Variants in CA10 observed in about 807,000 individuals in gnomAD.
CA10 encodes carbonic anhydrase 10 (inactive).
A neutral mutation model predicts 44.2 loss-of-function variants in CA10; 14 were observed. That is an observed-to-expected ratio of 0.32 (90% CI 0.21 to 0.50). CA10 has a LOEUF of 0.50. Ranked by LOEUF, CA10 falls within the 20% of genes least tolerant of loss-of-function variation. The pLI, the probability that CA10 is intolerant of heterozygous loss-of-function variation, is 0.99. For missense variants in CA10, 350 were observed against 409.7 expected (o/e 0.85, Z 1.26); for synonymous variants, 159 against 141.6 (o/e 1.12, Z -0.87).
At chr17:52,017,018 T>C (rs775389224) in intron 2 of CA10, among the ~76,000 whole-genome samples, 19 of 152,146 alleles carry the variant, frequency 1.2e-4, no homozygotes, top group Non-Finnish European at 2.5e-4. Flanking sequence ...TCCAACATGA[T>C]TGGAAGATTC....
At position 51,631,482 on chromosome 17, in the gene CA10, G is replaced by T; in HGVS notation, c.*102C>A. 1.8e-6 allele frequency: 2 copies of T among 1,100,868 alleles called. No individual in the cohort carries two copies. Among genetic ancestry groups the T allele is most frequent in the Non-Finnish European group, 2.8e-6 (2 of 718,396 alleles). 68.2% of individuals were successfully genotyped at this position (1,100,868 alleles called of 1,614,324 possible). A position where few individuals can be genotyped will look rare whatever the true frequency, so the allele number is the denominator to read the frequency against. On this transcript the variant is annotated 3_prime_UTR_variant, in exon 9 of 9. Coordinates refer to ENST00000451037, the MANE Select transcript of CA10 (RefSeq NM_020178.5). ...CCAATCCCAAGAATGAATGAGGCTT[G>T]GGGGAAAGAAGGAGAGAGAAGCAAG...
intron 2 of CA10, among the ~76,000 whole-genome samples, chr17:52,005,111 T>G (rs956933276): frequency 2.0e-5 from 3 of 151,922 alleles, no homozygotes; most frequent in Admixed American, 1.3e-4. Context: ...AATCTCAAGT[T>G]GTGAATACCT....
intron 4 of CA10, among the ~76,000 whole-genome samples, chr17:51,702,162 C>T (rs999342861): frequency 6.6e-6 from 1 of 152,112 alleles, no homozygotes; most frequent in African/African-American, 2.4e-5. Flanking sequence ...TATTATGTGC[C>T]AGGCATTGTG....
chr17:51,775,661 T>C (rs2319453), intron 3 of CA10, among the ~76,000 whole-genome samples: 49,781 of 152,018 alleles, frequency 0.33, 9,955 homozygotes, highest in East Asian at 0.51. Context: ...AAATGCACAA[T>C]TACATGGCAA....
chr17:52,051,208 A>T (rs1987060930), intron 2 of CA10, among the ~76,000 whole-genome samples: 1 of 152,082 alleles, frequency 6.6e-6, no homozygotes, highest in Admixed American at 6.6e-5. Context: ...CTGGAAGACA[A>T]CCTAGGCAAT....
At chr17:51,665,952 G>A (rs985758) in intron 4 of CA10, among the ~76,000 whole-genome samples, 98,677 of 152,148 alleles carry the variant, frequency 0.65, 32,251 homozygotes, top group Admixed American at 0.68. Context: ...CTCAACAGAG[G>A]AGAAGGCTAG....
chr17:51,709,448 G>A lies in CA10; in HGVS notation c.465+38185C>T, dbSNP rs534404816. Among the ~76,000 whole-genome samples, 124 of 152,270 alleles carry A rather than the reference G, an allele frequency of 8.1e-4. 1 individual carries two copies. The highest frequency in any genetic ancestry group is 1.3e-3 in the Non-Finnish European group (91 of 68,026). ...ATCTTGGTGCTGAGACCTGAACAAT[G>A]GGAGGACCCAGCCACATGAAGATTT... On this transcript the variant is annotated intron_variant, in intron 4 of 8. Transcript: ENST00000451037.
At chr17:51,764,741 A>G (rs910401523) in intron 3 of CA10, among the ~76,000 whole-genome samples, 14 of 152,208 alleles carry the variant, frequency 9.2e-5, no homozygotes, top group Admixed American at 9.2e-4. Flanking sequence ...ATTTCTTGCC[A>G]GCCTGCCCAC....
chr17:51,857,343 C>T (rs554222534), intron 3 of CA10, among the ~76,000 whole-genome samples: 2 of 152,084 alleles, frequency 1.3e-5, no homozygotes, highest in Admixed American at 6.6e-5. Context: ...AAAGGCTATC[C>T]GATTCAAAAG....
chr17:52,157,594 C>T, intron 1 of CA10, 132 bp downstream of exon 1: 8 of 665,388 alleles, frequency 1.2e-5, no homozygotes, highest in Non-Finnish European at 1.8e-5. Context: ...ATTCTGAAGG[C>T]GGCAAACCCG....
At chr17:51,631,740 A>G (rs1912591080) in intron 8 of CA10, 134 bp from the exon 9 acceptor site, 1 of 745,608 alleles carries the variant, frequency 1.3e-6, no homozygotes, top group Non-Finnish European at 2.3e-6. Context: ...GCTTACTTAT[A>G]TGCATTCCAA....
At chr17:51,646,458 G>A (rs1239853784) in intron 6 of CA10, among the ~76,000 whole-genome samples, 1 of 152,130 alleles carries the variant, frequency 6.6e-6, no homozygotes, top group Non-Finnish European at 1.5e-5. Context: ...AGGGGTGGAG[G>A]TTAGGTGTCC....
At chr17:51,649,448 A>G (rs562718979) in intron 5 of CA10, among the ~76,000 whole-genome samples, 194 bp from the exon 6 acceptor site, 1 of 152,310 alleles carries the variant, frequency 6.6e-6, no homozygotes, top group African/African-American at 2.4e-5. Flanking sequence ...GAAGACAGGT[A>G]AGTGAACAAA....
chr17:52,124,787 G>A (rs1253056549), intron 1 of CA10, among the ~76,000 whole-genome samples: 1 of 152,090 alleles, frequency 6.6e-6, no homozygotes, highest in Non-Finnish European at 1.5e-5. Context: ...TCTAGAACCT[G>A]TTAAGTATGA....
chr17:51,973,962 T>C lies in CA10; in HGVS notation c.137-42830A>G, dbSNP rs569327938. 5.3e-5 allele frequency among the ~76,000 whole-genome samples: 8 copies of C among 152,304 alleles called. No individual in the cohort carries two copies. In the South Asian group the frequency reaches 1.7e-3, roughly 32 times the overall value. On this transcript the variant is annotated intron_variant, in intron 2 of 8. Coordinates refer to ENST00000451037, the MANE Select transcript of CA10 (RefSeq NM_020178.5). ...ATAAAAGTAGCTATCATAAATATGT[T>C]CAATTTTTCTCTTCAAAAAGATAAA...
intron 2 of CA10, among the ~76,000 whole-genome samples, chr17:51,974,398 AC>A (rs56938297): frequency 0.72 from 100,054 of 139,024 alleles, 36,416 homozygotes; most frequent in African/African-American, 0.76. Context: ...AAAAAAAAAA[AC>A]AAAAACAAAA....
intron 3 of CA10, among the ~76,000 whole-genome samples, chr17:51,859,451 G>T (rs1979203683): frequency 6.6e-6 from 1 of 152,082 alleles, no homozygotes; most frequent in African/African-American, 2.4e-5. Context: ...GAATTACTTG[G>T]CTCAGGAGAT....
At chr17:52,080,296 C>CA (rs1211768127) in intron 1 of CA10, among the ~76,000 whole-genome samples, 1 of 151,758 alleles carries the variant, frequency 6.6e-6, no homozygotes, top group Non-Finnish European at 1.5e-5. Context: ...ACCAAAAATA[C>CA]AAAAAATTAG....
At chr17:51,786,193 C>G (rs1049590820) in intron 3 of CA10, among the ~76,000 whole-genome samples, 10 of 147,410 alleles carry the variant, frequency 6.8e-5, no homozygotes, top group Admixed American at 1.4e-4. Context: ...TTTTTTAATG[C>G]GTTCTAACAT....
Sources: gnomAD v4.1 joint callset for allele counts (sites outside exome capture counted in the v4.1 genomes callset) on GRCh38, gnomAD v4.1.1 for gene constraint, MANE v1.5 for transcripts, NCBI Gene and HGNC (gene_info 2026-07-23, HGNC 2026-07-21) for gene names.